The following ADGRB3 variants were observed in gnomAD, a reference collection of about 807,000 sequenced individuals.
ADGRB3 encodes brain-specific angiogenesis inhibitor 3.
In ADGRB3, 37 loss-of-function variants were observed where a neutral mutation model predicts 193.4. The observed-to-expected ratio is 0.19, with a 90% CI of 0.15 to 0.25. The LOEUF is 0.25. ADGRB3 is among the 10% of genes least tolerant of loss of function. ADGRB3 has a pLI of 1.00. For missense variants in ADGRB3, 1,637 were observed against 1,852.9 expected, an observed-to-expected ratio of 0.88 and a Z score of 2.14; for synonymous variants, 690 against 644.2, an observed-to-expected ratio of 1.07 and a Z score of -1.08.
intron 13 of ADGRB3, among the ~76,000 whole-genome samples, chr6:69,029,111 A>T (rs905057957): frequency 6.6e-6 from 1 of 152,094 alleles, no homozygotes; most frequent in African/African-American, 2.4e-5. Context: ...AGCCAACCAC[A>T]TTCTAACCTA....
chr6:69,157,277 T>G (rs2150343346), intron 17 of ADGRB3, among the ~76,000 whole-genome samples: 1 of 152,298 alleles, frequency 6.6e-6, no homozygotes, highest in South Asian at 2.1e-4. Context: ...AATAGGACAC[T>G]GATGCATGAA....
At chr6:68,897,082 G>T (rs141414213) in intron 3 of ADGRB3, among the ~76,000 whole-genome samples, 4 of 152,046 alleles carry the variant, frequency 2.6e-5, no homozygotes. Context: ...GATCCAAATC[G>T]GTGTTCATGT....
intron 20 of ADGRB3, among the ~76,000 whole-genome samples, chr6:69,289,767 A>T (rs1767626714): frequency 1.3e-5 from 2 of 151,822 alleles, no homozygotes; most frequent in South Asian, 4.2e-4. Context: ...CCAGGGAAGC[A>T]GTCTCTCTGG....
intron 10 of ADGRB3, among the ~76,000 whole-genome samples, chr6:68,976,838 T>C (rs1459078568): frequency 2.0e-5 from 3 of 152,034 alleles, no homozygotes; most frequent in Non-Finnish European, 4.4e-5. Flanking sequence ...TTCAAACCTG[T>C]GTTGTTCAAG....
Position 68,930,686 on chromosome 6 carries a change from AT to A in ADGRB3, c.868+22del. The A allele has an allele frequency of 1.3e-6, 2 of 1,498,632 alleles. No homozygotes were observed. Among genetic ancestry groups the A allele is most frequent in the Non-Finnish European group, 1.8e-6 (2 of 1,083,940 alleles). 92.8% of individuals were successfully genotyped at this position (1,498,632 alleles called of 1,614,324 possible). A position where few individuals can be genotyped will look rare whatever the true frequency, so the allele number is the denominator to read the frequency against. On this transcript the variant is annotated intron_variant, in intron 4 of 31. Transcript: ENST00000370598. ...CACAAACTGGTAATACGTTAGTTAC[AT>A]TTTTCTATTTATTGTTGTTAATTTA...
intron 3 of ADGRB3, among the ~76,000 whole-genome samples, chr6:68,734,049 A>G (rs1765827397): frequency 6.6e-6 from 1 of 151,992 alleles, no homozygotes; most frequent in South Asian, 2.1e-4. Context: ...AAAGAATGTT[A>G]ATTTTAAGGT....
chr6:68,684,573 G>T (rs1328370098), intron 3 of ADGRB3, among the ~76,000 whole-genome samples: 1 of 151,930 alleles, frequency 6.6e-6, no homozygotes, highest in Non-Finnish European at 1.5e-5. Context: ...TTTTAATTAG[G>T]CCCTCTTTTA....
intron 3 of ADGRB3, among the ~76,000 whole-genome samples, chr6:68,717,269 T>C (rs2746135): frequency 0.42 from 63,489 of 151,538 alleles, 13,865 homozygotes; most frequent in East Asian, 0.65. Context: ...TATATCTATA[T>C]ATAATTCATA....
At chr6:69,106,083 C>T (rs1167423457) in intron 17 of ADGRB3, among the ~76,000 whole-genome samples, 6 of 146,626 alleles carry the variant, frequency 4.1e-5, no homozygotes, top group Admixed American at 2.1e-4. Context: ...TGCTTAAACC[C>T]GGGAGGCAGA....
chr6:69,243,851 G>A (rs1274465325), intron 20 of ADGRB3, among the ~76,000 whole-genome samples: 2 of 151,832 alleles, frequency 1.3e-5, no homozygotes, highest in East Asian at 3.9e-4. Context: ...AAACTAACTG[G>A]CACATATATA....
intron 4 of ADGRB3, among the ~76,000 whole-genome samples, chr6:68,931,782 A>T (rs755381200): frequency 1.2e-4 from 19 of 152,138 alleles, no homozygotes; most frequent in Admixed American, 2.0e-4. Context: ...GAAGATTTTG[A>T]TACATTAGTT....
At position 68,661,575 on chromosome 6, in the gene ADGRB3, A is replaced by G. The variant is rs1204486403; in HGVS notation, c.757+22143A>G. ...TATATATATATATATATATATAGTT[A>G]TGACCTATGGCTATTTGGATTTAGA... On this transcript the variant is annotated intron_variant, in intron 3 of 31. Transcript: ENST00000370598. Among the ~76,000 whole-genome samples, 7 of 136,318 alleles carry G rather than the reference A, an allele frequency of 5.1e-5. 1 individual carries two copies. Among genetic ancestry groups the G allele is most frequent in the Admixed American group, 1.5e-4 (2 of 13,110 alleles). 89.4% of individuals were successfully genotyped at this position (136,318 alleles called of 152,430 possible). A position where few individuals can be genotyped will look rare whatever the true frequency, so the allele number is the denominator to read the frequency against.
intron 3 of ADGRB3, among the ~76,000 whole-genome samples, chr6:68,913,004 G>C (rs1766762835): frequency 6.6e-6 from 1 of 152,196 alleles, no homozygotes; most frequent in South Asian, 2.1e-4. Context: ...CAGCGAGGCT[G>C]GGGGAGGGGC....
intron 13 of ADGRB3, among the ~76,000 whole-genome samples, chr6:69,037,446 G>A (rs2150296482): frequency 6.6e-6 from 1 of 152,292 alleles, no homozygotes; most frequent in South Asian, 2.1e-4. Flanking sequence ...TTCTGTTTTA[G>A]CTCATTGTAG....
chr6:68,743,156 T>C (rs76817332), intron 3 of ADGRB3, among the ~76,000 whole-genome samples: 4,663 of 152,116 alleles, frequency 0.031, 117 homozygotes, highest in Non-Finnish European at 0.04. Context: ...GTTCCTTCTT[T>C]TATTGTTATT....
intron 17 of ADGRB3, among the ~76,000 whole-genome samples, chr6:69,185,826 A>G (rs1379869564): frequency 1.3e-5 from 2 of 152,212 alleles, no homozygotes; most frequent in Non-Finnish European, 2.9e-5. Flanking sequence ...CAAACATTAA[A>G]TGACAGCTTC....
intron 3 of ADGRB3, among the ~76,000 whole-genome samples, chr6:68,704,659 T>A (rs921084924): frequency 3.3e-5 from 5 of 152,344 alleles, no homozygotes; most frequent in African/African-American, 1.2e-4. Context: ...ATGTCCAGTT[T>A]AATTGGAGTC....
In ADGRB3 at chr6:69,233,355, C is replaced by A; in HGVS notation, c.2546C>A (p.Thr849Lys). The part of the protein sequence containing the change: ...CKTVLTDASH[T>K]KCLCDRLSTF... ...ACTGTGCTTACCGATGCATCCCATA[C>A]GAAATGCTTATGTGATCGTCTCTCT... The change falls in exon 18 of 32, where the codon ACG becomes AAG. Residue 849 changes from threonine (T) to lysine (K), a missense_variant. This residue lies in a region of ADGRB3 where 641 missense variants were observed against 673.9 expected (regional missense o/e 0.95). Transcript: ENST00000370598. The A allele has an allele frequency of 6.2e-7, 1 of 1,613,958 alleles. No individual in the cohort carries two copies. Among genetic ancestry groups the A allele is most frequent in the Non-Finnish European group, 8.5e-7 (1 of 1,179,942 alleles).
At chr6:69,274,794 T>TA (rs1388786733) in intron 20 of ADGRB3, among the ~76,000 whole-genome samples, 8 of 152,112 alleles carry the variant, frequency 5.3e-5, no homozygotes, top group African/African-American at 1.9e-4. Context: ...AAGGCCTTCT[T>TA]ACCTCTTTCT....
Sources: gnomAD v4.1 joint callset for allele counts (sites outside exome capture counted in the v4.1 genomes callset) on GRCh38, gnomAD v4.1.1 for gene constraint, gnomAD v4.1.1 regional missense constraint, MANE v1.5 for transcripts, NCBI Gene and HGNC (gene_info 2026-07-23, HGNC 2026-07-21) for gene names.